The following EPHA6 variants were observed in gnomAD, a reference collection of about 807,000 sequenced individuals.
EPHA6 encodes the protein ephrin type-A receptor 6.
Under a neutral mutation model 112.0 loss-of-function variants are expected in EPHA6, and 50 were observed. That is an observed-to-expected ratio of 0.45 (90% CI 0.36 to 0.56). EPHA6 has a LOEUF of 0.56. Among genes scored for constraint, EPHA6 ranks in the 20% least tolerant of loss-of-function variants. The probability of loss-of-function intolerance (pLI) is 0.00; values close to 1 mark genes in which losing one functional copy is unlikely to be tolerated. For missense variants in EPHA6, 1,280 were observed against 1,417.4 expected (o/e 0.90, Z 1.56); for synonymous variants, 529 against 490.7 (o/e 1.08, Z -1.03).
intron 5 of EPHA6, among the ~76,000 whole-genome samples, chr3:97,388,536 A>G (rs1253449602): frequency 2.0e-5 from 3 of 152,152 alleles, no homozygotes; most frequent in Non-Finnish European, 4.4e-5. Context: ...GACTTTTAAG[A>G]AAGACAAATG....
chr3:97,737,086 C>T (rs1201159808), intron 16 of EPHA6, among the ~76,000 whole-genome samples: 2 of 151,938 alleles, frequency 1.3e-5, no homozygotes, highest in East Asian at 1.9e-4. Flanking sequence ...TTGGCAGCCT[C>T]AATAAAGTGA....
At chr3:96,935,722 A>G (rs959484987) in intron 2 of EPHA6, among the ~76,000 whole-genome samples, 26 of 145,408 alleles carry the variant, frequency 1.8e-4, no homozygotes, top group Non-Finnish European at 3.7e-4. Context: ...CATTATATAT[A>G]CATTATATAT....
intron 3 of EPHA6, among the ~76,000 whole-genome samples, chr3:97,158,731 G>C (rs1386482143): frequency 1.3e-5 from 2 of 152,016 alleles, no homozygotes; most frequent in Non-Finnish European, 2.9e-5. Context: ...GAAAATGCAG[G>C]GAATCTGCAT....
At chr3:97,348,593 A>G (rs1419314470) in intron 5 of EPHA6, among the ~76,000 whole-genome samples, 55 of 152,080 alleles carry the variant, frequency 3.6e-4, no homozygotes, top group Admixed American at 3.6e-3. Flanking sequence ...TTAAGCAACT[A>G]ATTATGCATA....
Position 96,987,424 on chromosome 3 carries a change from G to T in EPHA6, c.545G>T (p.Arg182Leu). 6.2e-7 allele frequency: 1 copy of T among 1,613,834 alleles called. No homozygotes were observed. Among genetic ancestry groups the T allele is most frequent in the Non-Finnish European group, 8.5e-7 (1 of 1,179,856 alleles). Residue 182 changes from arginine to leucine, a missense_variant, in exon 3 of 18, where the codon CGT becomes CTT. Physicochemically the swap from Arg to Leu is moderately radical, Grantham distance 102 (BLOSUM62 -2). This residue lies in a region of EPHA6 where 878 missense variants were observed against 999.7 expected (regional missense o/e 0.88). Coordinates refer to ENST00000389672, the MANE Select transcript of EPHA6 (RefSeq NM_001080448.3). ...GAACCAAACCAAAACAACTGGCTTC[G>T]TACAAACTGGATCTCCCGTGATGCA... The part of the protein sequence containing the change: ...VMEPNQNNWL[R>L]TNWISRDAAQ...
chr3:96,946,236 C>T (rs977050224), intron 2 of EPHA6, among the ~76,000 whole-genome samples: 6 of 151,780 alleles, frequency 4.0e-5, no homozygotes, highest in East Asian at 1.9e-4. Flanking sequence ...AGGTTTGTTA[C>T]GTAAGTATAC....
chr3:97,492,408 G>C (rs1416372948), intron 10 of EPHA6, among the ~76,000 whole-genome samples: 2 of 151,400 alleles, frequency 1.3e-5, no homozygotes, highest in Non-Finnish European at 2.9e-5. Context: ...CAGGCATGGT[G>C]GTGGGCACCT....
intron 5 of EPHA6, among the ~76,000 whole-genome samples, chr3:97,298,942 TTCTTCTTTAACTTGAAAAAA>T (rs1223118401): frequency 1.3e-5 from 2 of 152,174 alleles, no homozygotes; most frequent in African/African-American, 4.8e-5. Context: ...CTTTATCAAA[TTCTTCTTTAACTTGAAAAAA>T]TCATTGCATT....
chr3:97,299,970 T>G (rs2081027026), intron 5 of EPHA6, among the ~76,000 whole-genome samples: 1 of 152,186 alleles, frequency 6.6e-6, no homozygotes, highest in African/African-American at 2.4e-5. Context: ...TGTTTCATTC[T>G]TATAGTATAA....
intron 14 of EPHA6, among the ~76,000 whole-genome samples, chr3:97,644,155 C>T: frequency 6.6e-6 from 1 of 152,050 alleles, no homozygotes; most frequent in Non-Finnish European, 1.5e-5. Context: ...CGCTCAACTA[C>T]ATGGAAACTG....
chr3:97,649,116 G>T (rs1430676277), intron 14 of EPHA6, among the ~76,000 whole-genome samples: 2 of 152,080 alleles, frequency 1.3e-5, no homozygotes, highest in African/African-American at 4.8e-5. Context: ...AGACATATCT[G>T]AGACTGGGTG....
At chr3:97,063,286 G>T (rs888450393) in intron 3 of EPHA6, among the ~76,000 whole-genome samples, 33 of 152,106 alleles carry the variant, frequency 2.2e-4, no homozygotes, top group African/African-American at 8.0e-4. Flanking sequence ...CAATAGCAAA[G>T]ACATGGAATT....
At chr3:97,151,570 G>A (rs935875119) in intron 3 of EPHA6, among the ~76,000 whole-genome samples, 1 of 151,910 alleles carries the variant, frequency 6.6e-6, no homozygotes, top group Non-Finnish European at 1.5e-5. Context: ...ATCAACATAG[G>A]ATCTGATGGT....
chr3:97,508,345 A>T (rs1333821500), intron 10 of EPHA6, among the ~76,000 whole-genome samples: 1 of 152,098 alleles, frequency 6.6e-6, no homozygotes, highest in East Asian at 1.9e-4. Flanking sequence ...TGTGTACTAG[A>T]GATTCTGGTA....
At chr3:96,966,710 G>T (rs1190360654) in intron 2 of EPHA6, among the ~76,000 whole-genome samples, 1 of 151,980 alleles carries the variant, frequency 6.6e-6, no homozygotes, top group Non-Finnish European at 1.5e-5. Context: ...TTTGTGATGA[G>T]ATTTATGCTG....
intron 3 of EPHA6, among the ~76,000 whole-genome samples, chr3:97,043,865 C>T (rs1379302271): frequency 2.6e-5 from 4 of 152,240 alleles, no homozygotes; most frequent in African/African-American, 9.6e-5. Context: ...GTGATTGACC[C>T]CCAGGGCTGC....
intron 5 of EPHA6, among the ~76,000 whole-genome samples, chr3:97,291,936 T>C (rs1264234107): frequency 2.0e-5 from 3 of 152,216 alleles, no homozygotes; most frequent in African/African-American, 7.2e-5. Flanking sequence ...TGCACTCTGC[T>C]TGAGCTACCA....
intron 1 of EPHA6, among the ~76,000 whole-genome samples, chr3:96,840,675 A>G (rs892747840): frequency 6.6e-6 from 1 of 152,076 alleles, no homozygotes; most frequent in Non-Finnish European, 1.5e-5. Flanking sequence ...TGGAGTGGGC[A>G]AGAACACTGC....
chr3:97,311,165 G>A (rs2081542689), intron 5 of EPHA6, among the ~76,000 whole-genome samples: 1 of 151,662 alleles, frequency 6.6e-6, no homozygotes, highest in Admixed American at 6.6e-5. Flanking sequence ...CTGAAACATG[G>A]AAGTATTGAT....
Sources: gnomAD v4.1 joint callset for allele counts (sites outside exome capture counted in the v4.1 genomes callset) on GRCh38, gnomAD v4.1.1 for gene constraint, gnomAD v4.1.1 regional missense constraint, MANE v1.5 for transcripts, NCBI Gene and HGNC (gene_info 2026-07-23, HGNC 2026-07-21) for gene names.